Variants in PPFIA2 observed in about 807,000 individuals in gnomAD.
The protein encoded by PPFIA2 is PPFI scaffold protein A2.
PPFIA2 carries 46 observed loss-of-function variants against 175.5 expected under a neutral mutation model. The ratio of observed to expected loss-of-function variants is 0.26; its 90% CI spans 0.21 to 0.34. The LOEUF is 0.34. PPFIA2 is among the 10% of genes least tolerant of loss of function. PPFIA2 has a pLI of 1.00. For synonymous variants in PPFIA2, 568 were observed against 511.4 expected (o/e 1.11, Z -1.49); for missense variants, 1,179 against 1,506.1 (o/e 0.78, Z 3.60).
intron 4 of PPFIA2, among the ~76,000 whole-genome samples, chr12:81,560,074 C>T (rs140631639): frequency 5.9e-5 from 9 of 152,140 alleles, no homozygotes; most frequent in African/African-American, 1.4e-4. Context: ...TTTGAATTGA[C>T]GTATACCTGT....
intron 24 of PPFIA2, 188 bp downstream of exon 24, chr12:81,294,647 A>G (rs192378603): frequency 4.8e-6 from 3 of 619,794 alleles, no homozygotes; most frequent in Non-Finnish European, 8.5e-6. Flanking sequence ...CACGTCTGAT[A>G]TGAATCATAG....
At chr12:81,634,954 A>G (rs2153504612) in intron 4 of PPFIA2, among the ~76,000 whole-genome samples, 1 of 151,242 alleles carries the variant, frequency 6.6e-6, no homozygotes. Flanking sequence ...CTTCATTGTC[A>G]TTAATAGGTA....
intron 4 of PPFIA2, chr12:81,546,420 A>C (rs532882543): frequency 1.6e-4 from 25 of 152,326 alleles, no homozygotes; most frequent in African/African-American, 5.3e-4. Flanking sequence ...GTGGTAGTGC[A>C]TGCTTCTGTG....
intron 4 of PPFIA2, among the ~76,000 whole-genome samples, chr12:81,518,235 C>G (rs1406866924): frequency 6.6e-6 from 1 of 152,092 alleles, no homozygotes; most frequent in African/African-American, 2.4e-5. Context: ...AGGATATTGA[C>G]CATCTCTTTT....
At chr12:81,686,479 C>T (rs1021020263) in intron 3 of PPFIA2, among the ~76,000 whole-genome samples, 2 of 151,976 alleles carry the variant, frequency 1.3e-5, no homozygotes, top group Non-Finnish European at 2.9e-5. Flanking sequence ...TTTTGTGTGT[C>T]GCTTTTTCTT....
chr12:81,652,319 T>C, intron 4 of PPFIA2, among the ~76,000 whole-genome samples: 1 of 150,974 alleles, frequency 6.6e-6, no homozygotes, highest in East Asian at 2.0e-4. Flanking sequence ...GTGTGAACTA[T>C]AATTGTGGCC....
chr12:81,652,243 A>G (rs1219203182), intron 4 of PPFIA2, among the ~76,000 whole-genome samples: 1 of 148,266 alleles, frequency 6.7e-6, no homozygotes, highest in Non-Finnish European at 1.5e-5. Flanking sequence ...CATACTAGAT[A>G]AACTGGCTGC....
chr12:81,726,685 A>G (rs1163551757), intron 3 of PPFIA2, among the ~76,000 whole-genome samples: 1 of 151,338 alleles, frequency 6.6e-6, no homozygotes, highest in East Asian at 1.9e-4. Flanking sequence ...AAAACAAAAC[A>G]AAACAACCCA....
chr12:81,739,433 AT>A lies in PPFIA2; in HGVS notation c.249+14539del, dbSNP rs1179730194. Among the ~76,000 whole-genome samples, 3 of 152,142 alleles carry A rather than the reference AT, an allele frequency of 2.0e-5. No individual in the cohort carries two copies. In the South Asian group the frequency reaches 6.2e-4, roughly 32 times the overall value. On this transcript the variant is annotated intron_variant, in intron 3 of 32. Coordinates refer to ENST00000549396, the MANE Select transcript of PPFIA2 (RefSeq NM_003625.5). ...ACTTTTAAATAACCTTTTTATAAGC[AT>A]TTTAAAATAAACTTTTCTATATACA...
chr12:81,381,747 C>A (rs762835905), intron 9 of PPFIA2, among the ~76,000 whole-genome samples: 2 of 152,110 alleles, frequency 1.3e-5, no homozygotes, highest in Non-Finnish European at 2.9e-5. Flanking sequence ...GTATCATTAT[C>A]TGTGCTGCAG....
chr12:81,647,556 T>C (rs1014918726), intron 4 of PPFIA2, among the ~76,000 whole-genome samples: 1 of 151,512 alleles, frequency 6.6e-6, no homozygotes, highest in Non-Finnish European at 1.5e-5. Context: ...GGTCAGGAGA[T>C]CGAGACCATC....
rs2034542911 is a variant in PPFIA2, at chr12:81,259,024, C to CTGA, written c.*667_*669dup. The CTGA allele has an allele frequency of 1.3e-5, 2 of 159,628 alleles. No homozygotes were observed. The highest frequency in any genetic ancestry group is 4.8e-5 in the African/African-American group (2 of 41,454). 9.9% of individuals were successfully genotyped at this position (159,628 alleles called of 1,614,324 possible). On this transcript the variant is annotated 3_prime_UTR_variant, in exon 33 of 33. Transcript: ENST00000549396. ...CTATTTCTAAAGATATAGGACATCC[C>CTGA]TGATTGCCTTTAAAGCTCTATTTTT...
intron 4 of PPFIA2, among the ~76,000 whole-genome samples, chr12:81,649,106 T>C (rs1030096471): frequency 1.3e-5 from 2 of 151,950 alleles, no homozygotes; most frequent in African/African-American, 4.8e-5. Context: ...AAAAAATAAA[T>C]TGGACTTAAT....
chr12:81,498,422 T>C (rs1466635976), intron 4 of PPFIA2, among the ~76,000 whole-genome samples: 2 of 152,144 alleles, frequency 1.3e-5, no homozygotes, highest in Non-Finnish European at 2.9e-5. Flanking sequence ...TTCATGATCT[T>C]CACAGGTTTG....
intron 8 of PPFIA2, among the ~76,000 whole-genome samples, chr12:81,394,048 C>T (rs1371784440): frequency 1.3e-5 from 2 of 151,942 alleles, no homozygotes; most frequent in African/African-American, 2.4e-5. Context: ...AAAAGTGATA[C>T]TTTGAGGGCT....
chr12:81,726,831 A>G (rs542859501), intron 3 of PPFIA2, among the ~76,000 whole-genome samples: 61 of 151,426 alleles, frequency 4.0e-4, no homozygotes, highest in Admixed American at 2.6e-3. Flanking sequence ...GGCCAACAGA[A>G]TGTAAGTAGA....
intron 4 of PPFIA2, among the ~76,000 whole-genome samples, chr12:81,504,786 CAT>C (rs769663018): frequency 5.9e-5 from 9 of 152,104 alleles, no homozygotes; most frequent in African/African-American, 2.2e-4. Context: ...AAATGTGGCA[CAT>C]ATATACCATG....
intron 4 of PPFIA2, among the ~76,000 whole-genome samples, chr12:81,612,121 C>G (rs2060985990): frequency 6.6e-6 from 1 of 152,084 alleles, no homozygotes; most frequent in Non-Finnish European, 1.5e-5. Flanking sequence ...TTTGGTCTCT[C>G]TTGGTGGGAG....
At chr12:81,528,647 C>T (rs2153275774) in intron 4 of PPFIA2, among the ~76,000 whole-genome samples, 1 of 152,076 alleles carries the variant, frequency 6.6e-6, no homozygotes, top group Non-Finnish European at 1.5e-5. Context: ...CTAATAAATA[C>T]ACAGAAAAAT....
Sources: allele counts gnomAD v4.1 joint callset (sites outside exome capture counted in the v4.1 genomes callset), GRCh38; gene constraint gnomAD v4.1.1; transcripts MANE v1.5; gene names NCBI Gene and HGNC (gene_info 2026-07-23, HGNC 2026-07-21).